The following RALGPS1 variants were observed in gnomAD, a reference collection of about 807,000 sequenced individuals.
The protein encoded by RALGPS1 is Ral GEF with PH domain and SH3 binding motif 1.
Under a neutral mutation model 78.8 loss-of-function variants are expected in RALGPS1, and 19 were observed. That is an observed-to-expected ratio of 0.24 (90% CI 0.17 to 0.35). The LOEUF (loss-of-function observed/expected upper bound fraction) is 0.35. RALGPS1 is among the 10% of genes least tolerant of loss of function. The pLI, the probability that RALGPS1 is intolerant of heterozygous loss-of-function variation, is 1.00. For missense variants in RALGPS1, 454 were observed against 688.3 expected (o/e 0.66, Z 3.81); for synonymous variants, 228 against 256.3 (o/e 0.89, Z 1.06).
At chr9:127,184,498 C>T (rs1188044697) in intron 11 of RALGPS1, among the ~76,000 whole-genome samples, 20 of 152,198 alleles carry the variant, frequency 1.3e-4, no homozygotes, top group Admixed American at 1.3e-3. Context: ...TCAACACAGA[C>T]TTTCTGTGCA....
At chr9:126,979,997 A>T (rs1393102886) in intron 4 of RALGPS1, among the ~76,000 whole-genome samples, 2 of 152,170 alleles carry the variant, frequency 1.3e-5, no homozygotes, top group African/African-American at 4.8e-5. Context: ...CAGAGTGAGG[A>T]TTCAGAACTA....
chr9:126,935,784 C>T (rs932489838), intron 1 of RALGPS1, among the ~76,000 whole-genome samples: 2 of 152,234 alleles, frequency 1.3e-5, no homozygotes, highest in Admixed American at 6.5e-5. Context: ...AGTAATTTCT[C>T]TGAAGTCACA....
intron 8 of RALGPS1, among the ~76,000 whole-genome samples, chr9:127,084,965 G>A (rs992094730): frequency 6.6e-6 from 1 of 152,210 alleles, no homozygotes; most frequent in Non-Finnish European, 1.5e-5. Flanking sequence ...AAACAGATGA[G>A]GGGGTCTTGG....
intron 8 of RALGPS1, among the ~76,000 whole-genome samples, chr9:127,097,335 T>C (rs924581980): frequency 1.8e-4 from 27 of 152,252 alleles, no homozygotes; most frequent in African/African-American, 6.5e-4. Flanking sequence ...AGGTATCAAA[T>C]TGTGTAGAAA....
intron 8 of RALGPS1, among the ~76,000 whole-genome samples, chr9:127,081,992 G>A (rs1051237686): frequency 1.3e-5 from 2 of 152,220 alleles, no homozygotes; most frequent in Admixed American, 6.5e-5. Flanking sequence ...ATGTCTCAGG[G>A]ATGGCTGGTA....
In RALGPS1 at chr9:127,016,434, C is replaced by G. The variant is rs187401842; in HGVS notation, c.217-17997C>G. Reference sequence around the variant, plus strand: ...TATAGAGAGTAATCTGTAACTCCTGCAGTGGGATGGGCTGACTTTAAGTCA... The same window carrying G: ...TATAGAGAGTAATCTGTAACTCCTGGAGTGGGATGGGCTGACTTTAAGTCA... On this transcript the variant is annotated intron_variant, in intron 4 of 18. Transcript: ENST00000259351. 2.6e-3 allele frequency among the ~76,000 whole-genome samples: 400 copies of G among 152,274 alleles called. 6 individuals carry two copies. The highest frequency in any genetic ancestry group is 6.0e-4 in the Non-Finnish European group (41 of 68,028).
At chr9:127,044,351 G>C (rs1482675871) in intron 5 of RALGPS1, among the ~76,000 whole-genome samples, 1 of 152,018 alleles carries the variant, frequency 6.6e-6, no homozygotes, top group Admixed American at 6.5e-5. Context: ...CCGCCTCCTG[G>C]GTTCAAGCAA....
chr9:127,117,915 C>G (rs1471285111), intron 8 of RALGPS1, among the ~76,000 whole-genome samples: 1 of 152,144 alleles, frequency 6.6e-6, no homozygotes, highest in African/African-American at 2.4e-5. Flanking sequence ...CCTTGGTGGT[C>G]TTGGTACTGC....
At chr9:127,075,301 T>C (rs1408105195) in intron 8 of RALGPS1, among the ~76,000 whole-genome samples, 1 of 152,256 alleles carries the variant, frequency 6.6e-6, no homozygotes, top group East Asian at 1.9e-4. Flanking sequence ...ATCTGACATA[T>C]ACAAGTCAGA....
At chr9:127,088,907 A>T in intron 8 of RALGPS1, 1 of 1,613,792 alleles carries the variant, frequency 6.2e-7, no homozygotes. Context: ...GCTCCTGGCA[A>T]TGGCCACGAG....
At chr9:127,007,833 A>T (rs2043981573) in intron 4 of RALGPS1, among the ~76,000 whole-genome samples, 2 of 152,146 alleles carry the variant, frequency 1.3e-5, no homozygotes. Context: ...GCAGTAAGAC[A>T]TTGGAGGGTT....
intron 1 of RALGPS1, among the ~76,000 whole-genome samples, chr9:126,945,468 G>T (rs1035174581): frequency 6.6e-6 from 1 of 152,198 alleles, no homozygotes; most frequent in Non-Finnish European, 1.5e-5. Context: ...AAAGTGCTGG[G>T]ATTAAAGGCA....
chr9:127,011,687 T>G (rs1160722016), intron 4 of RALGPS1, among the ~76,000 whole-genome samples: 1 of 152,342 alleles, frequency 6.6e-6, no homozygotes, highest in East Asian at 1.9e-4. Flanking sequence ...CCTCTCACCC[T>G]AAGAAATTTA....
chr9:127,150,716 G>A lies in RALGPS1; in HGVS notation c.611-15353G>A, dbSNP rs982185747. Among the ~76,000 whole-genome samples the A allele has an allele frequency of 2.0e-5, 3 of 152,172 alleles. No homozygotes were observed. In the South Asian group the frequency reaches 6.2e-4, roughly 31 times the overall value. On this transcript the variant is annotated intron_variant, in intron 8 of 18. Coordinates refer to ENST00000259351, the MANE Select transcript of RALGPS1 (RefSeq NM_014636.3). ...GGATTACTAGGGCAGCCTCACTACC[G>A]AGCCCCAAAGAAAGGCGTTCATCCT...
intron 18 of RALGPS1, chr9:127,216,845 GT>G (rs2062612124): frequency 1.4e-6 from 2 of 1,419,216 alleles, no homozygotes; most frequent in African/African-American, 1.5e-5. Context: ...GGGTCCCTCA[GT>G]AGCTCTGAGG....
At chr9:127,030,161 C>T (rs781547138) in intron 4 of RALGPS1, among the ~76,000 whole-genome samples, 7 of 152,070 alleles carry the variant, frequency 4.6e-5, no homozygotes, top group Non-Finnish European at 1.0e-4. Context: ...TCTGTGGATG[C>T]CAAAGAAGGT....
At chr9:127,025,697 AT>A (rs1244258415) in intron 4 of RALGPS1, among the ~76,000 whole-genome samples, 1,473 of 141,596 alleles carry the variant, frequency 0.01, 18 homozygotes, top group Non-Finnish European at 0.013. Context: ...CTTTTCTTTC[AT>A]TTTTTTTTTT....
intron 8 of RALGPS1, chr9:127,088,805 G>T: frequency 9.5e-7 from 1 of 1,055,632 alleles, no homozygotes; most frequent in East Asian, 2.4e-5. Flanking sequence ...CAGTGACTTC[G>T]GAAAACAGAA....
chr9:127,212,453 A>C lies in RALGPS1; in HGVS notation c.1354-174A>C, dbSNP rs2062323345. 6.6e-6 allele frequency among the ~76,000 whole-genome samples: 1 copy of C among 152,080 alleles called. No individual in the cohort carries two copies. The highest frequency in any genetic ancestry group is 1.5e-5 in the Non-Finnish European group (1 of 67,998). On this transcript the variant is annotated intron_variant, in intron 15 of 18. Transcript: ENST00000259351. This position sits in a 1 kb window ranked among gnomAD's most constrained non-coding sequence, Gnocchi z 6.0. Reference sequence around the variant, plus strand: ...AAAGGAGCAAGAGACGGGAGGGAAGACGCCTCCTGTCTTGGTCCTAGGTGG... The same window carrying C: ...AAAGGAGCAAGAGACGGGAGGGAAGCCGCCTCCTGTCTTGGTCCTAGGTGG...
Sources: allele counts gnomAD v4.1 joint callset (sites outside exome capture counted in the v4.1 genomes callset), GRCh38; gene constraint gnomAD v4.1.1; non-coding constraint Gnocchi (gnomAD v3.1); transcripts MANE v1.5; gene names NCBI Gene and HGNC (gene_info 2026-07-23, HGNC 2026-07-21).